The following KLHL1 variants were observed in gnomAD, a reference collection of about 807,000 sequenced individuals.
KLHL1 encodes the protein kelch like family member 1, also known as kelch-like protein 1.
Under a neutral mutation model 77.7 loss-of-function variants are expected in KLHL1, and 47 were observed. The ratio of observed to expected loss-of-function variants is 0.60; its 90% CI spans 0.48 to 0.77. KLHL1 has a LOEUF of 0.77. KLHL1 is among the 30% of genes least tolerant of loss of function. KLHL1 has a pLI of 0.00. For synonymous variants in KLHL1, 360 were observed against 325.2 expected, an observed-to-expected ratio of 1.11 and a Z score of -1.15; for missense variants, 925 against 910.8, an observed-to-expected ratio of 1.02 and a Z score of -0.20.
At chr13:69,809,568 T>A (rs1367700747) in intron 6 of KLHL1, among the ~76,000 whole-genome samples, 1 of 151,946 alleles carries the variant, frequency 6.6e-6, no homozygotes, top group African/African-American at 2.4e-5. Context: ...ATTTTAGACA[T>A]GGAAATGAAA....
Position 69,746,087 on chromosome 13 carries a change from T to C in KLHL1, c.1640-5531A>G, listed in dbSNP as rs111764984. 1.1e-4 allele frequency among the ~76,000 whole-genome samples: 17 copies of C among 151,706 alleles called. 1 individual carries two copies. Among genetic ancestry groups the C allele is most frequent in the South Asian group, 4.2e-4 (2 of 4,814 alleles). ...ATTTGATTTCCCTATGCTATTGCAA[T>C]TGGCATTTTTAAATTTTCTATTTGT... On this transcript the variant is annotated intron_variant, in intron 7 of 10. Coordinates refer to ENST00000377844, the MANE Select transcript of KLHL1 (RefSeq NM_020866.3).
intron 1 of KLHL1, among the ~76,000 whole-genome samples, chr13:70,029,302 G>T (rs1886032834): frequency 6.6e-6 from 1 of 152,132 alleles, no homozygotes; most frequent in African/African-American, 2.4e-5. Flanking sequence ...GACTTTCTAT[G>T]GCATTGAAAA....
chr13:70,080,297 T>C (rs989279607), intron 1 of KLHL1, among the ~76,000 whole-genome samples: 15 of 152,102 alleles, frequency 9.9e-5, no homozygotes, highest in Non-Finnish European at 1.6e-4. Context: ...GCTCAGAGAG[T>C]GCAGCCATTA....
intron 4 of KLHL1, among the ~76,000 whole-genome samples, chr13:69,933,994 T>C (rs1258505223): frequency 1.3e-5 from 2 of 152,150 alleles, no homozygotes; most frequent in Non-Finnish European, 2.9e-5. Flanking sequence ...TGTAGTGAGA[T>C]AGTACTGGGT....
chr13:69,875,005 T>A (rs912604508), intron 5 of KLHL1, among the ~76,000 whole-genome samples: 3 of 152,132 alleles, frequency 2.0e-5, no homozygotes, highest in Non-Finnish European at 4.4e-5. Flanking sequence ...TTTGAAAGTA[T>A]AAAATTAAAT....
chr13:70,010,307 G>A (rs529131779), intron 1 of KLHL1, among the ~76,000 whole-genome samples: 1 of 152,026 alleles, frequency 6.6e-6, no homozygotes, highest in Non-Finnish European at 1.5e-5. Context: ...TCAATCAAAA[G>A]CCTGTTGTAA....
chr13:70,091,858 CT>C (rs1887679484), intron 1 of KLHL1, among the ~76,000 whole-genome samples: 1 of 152,146 alleles, frequency 6.6e-6, no homozygotes, highest in Admixed American at 6.6e-5. Context: ...TTTTCATAGA[CT>C]TTCATTCTGA....
intron 4 of KLHL1, among the ~76,000 whole-genome samples, chr13:69,920,364 T>C (rs981938808): frequency 1.3e-5 from 2 of 152,164 alleles, no homozygotes; most frequent in Admixed American, 1.3e-4. Context: ...TTAATCCATT[T>C]GTGGTTCACA....
At chr13:69,923,708 A>T (rs2138268480) in intron 4 of KLHL1, among the ~76,000 whole-genome samples, 1 of 152,314 alleles carries the variant, frequency 6.6e-6, no homozygotes, top group South Asian at 2.1e-4. Context: ...TGAATATGGC[A>T]GTCCATCTAG....
intron 5 of KLHL1, among the ~76,000 whole-genome samples, chr13:69,854,645 T>TATTTAC (rs1188775607): frequency 1.2e-4 from 19 of 152,094 alleles, no homozygotes; most frequent in African/African-American, 4.6e-4. Context: ...ATAATGTTAT[T>TATTTAC]AGTTTCTCTG....
intron 9 of KLHL1, among the ~76,000 whole-genome samples, chr13:69,715,053 C>T (rs1452665105): frequency 6.6e-6 from 1 of 152,138 alleles, no homozygotes; most frequent in Non-Finnish European, 1.5e-5. Flanking sequence ...TCTGTCACCT[C>T]CTTTCTCTGT....
At chr13:69,738,332 GCTT>G (rs1244267697) in intron 8 of KLHL1, among the ~76,000 whole-genome samples, 1 of 152,088 alleles carries the variant, frequency 6.6e-6, no homozygotes, top group African/African-American at 2.4e-5. Flanking sequence ...AAGCCAGAGT[GCTT>G]CTTCTTCTCC....
chr13:70,094,067 T>A (rs1034911437), intron 1 of KLHL1, among the ~76,000 whole-genome samples: 4 of 152,186 alleles, frequency 2.6e-5, no homozygotes, highest in Non-Finnish European at 4.4e-5. Context: ...TTACCAGTAG[T>A]TCTTTTTAAC....
Position 69,722,126 on chromosome 13 carries a change from T to C in KLHL1, c.1803-2545A>G, listed in dbSNP as rs150286893. On this transcript the variant is annotated intron_variant, in intron 8 of 10. Transcript: ENST00000377844. Reference sequence around the variant, plus strand: ...AGACACCTAGCACAGCTCTCGTACATAGTTTATAAATAAACATGATATGAA... The same window carrying C: ...AGACACCTAGCACAGCTCTCGTACACAGTTTATAAATAAACATGATATGAA... Among the ~76,000 whole-genome samples, 25 of 152,166 alleles carry C rather than the reference T, an allele frequency of 1.6e-4. No homozygotes were observed. In the East Asian group the frequency reaches 4.8e-3, roughly 29 times the overall value.
chr13:70,021,893 G>C (rs1156356631), intron 1 of KLHL1, among the ~76,000 whole-genome samples: 2 of 151,948 alleles, frequency 1.3e-5, no homozygotes, highest in African/African-American at 4.8e-5. Flanking sequence ...TTTAAAAACT[G>C]TCCTTTATCT....
At chr13:69,805,993 G>A (rs73504095) in intron 6 of KLHL1, among the ~76,000 whole-genome samples, 2,960 of 151,984 alleles carry the variant, frequency 0.019, 86 homozygotes, top group African/African-American at 0.067. Context: ...TAACTATAGC[G>A]TTTTCTTTAA....
intron 7 of KLHL1, among the ~76,000 whole-genome samples, chr13:69,776,289 T>A (rs2137992519): frequency 6.6e-6 from 1 of 152,348 alleles, no homozygotes; most frequent in East Asian, 1.9e-4. Context: ...GCTAGAAATA[T>A]TTATACACAA....
intron 9 of KLHL1, among the ~76,000 whole-genome samples, chr13:69,714,335 G>T (rs1876014769): frequency 6.6e-6 from 1 of 152,070 alleles, no homozygotes; most frequent in African/African-American, 2.4e-5. Flanking sequence ...AAGCTAAACA[G>T]CTCTTTGACT....
chr13:69,939,930 T>C (rs1252148108), intron 4 of KLHL1, 110 bp downstream of exon 4: 1 of 764,542 alleles, frequency 1.3e-6, no homozygotes, highest in Non-Finnish European at 2.0e-6. Flanking sequence ...GTGCCAAGCA[T>C]AGAAAACTCA....
Sources: gnomAD v4.1 joint callset for allele counts (sites outside exome capture counted in the v4.1 genomes callset) on GRCh38, gnomAD v4.1.1 for gene constraint, MANE v1.5 for transcripts, NCBI Gene and HGNC (gene_info 2026-07-23, HGNC 2026-07-21) for gene names.